VWF: variants seen among roughly 807,000 people sequenced by gnomAD.
VWF encodes von Willebrand factor.
VWF carries 176 observed loss-of-function variants against 308.6 expected under a neutral mutation model. The ratio of observed to expected loss-of-function variants is 0.57; its 90% CI spans 0.50 to 0.65. VWF has a LOEUF of 0.65. Ranked by LOEUF, VWF falls within the 30% of genes least tolerant of loss-of-function variation. The pLI, the probability that VWF is intolerant of heterozygous loss-of-function variation, is 0.00. For missense variants in VWF, 3,146 were observed against 3,648.2 expected, an observed-to-expected ratio of 0.86 and a Z score of 3.55; for synonymous variants, 1,385 against 1,443.4, an observed-to-expected ratio of 0.96 and a Z score of 0.92.
At chr12:5,950,260 T>C (rs976009723) in intron 50 of VWF, among the ~76,000 whole-genome samples, 2 of 152,168 alleles carry the variant, frequency 1.3e-5, no homozygotes, top group Non-Finnish European at 2.9e-5. Context: ...GGCAATGAAG[T>C]AGTCAATAAG....
chr12:6,015,528 C>G (rs1361922968), intron 31 of VWF, among the ~76,000 whole-genome samples: 1 of 152,044 alleles, frequency 6.6e-6, no homozygotes, highest in Non-Finnish European at 1.5e-5. Context: ...TCCCTAGACT[C>G]TACCACCTGT....
At chr12:6,069,696 C>T (rs558769404) in intron 10 of VWF, among the ~76,000 whole-genome samples, 6 of 152,282 alleles carry the variant, frequency 3.9e-5, no homozygotes, top group Non-Finnish European at 5.9e-5. Flanking sequence ...CAGAGAAGAG[C>T]GTAGTGGTTT....
At chr12:5,977,648 T>C (rs547610181) in intron 42 of VWF, among the ~76,000 whole-genome samples, 107 of 151,938 alleles carry the variant, frequency 7.0e-4, no homozygotes, top group African/African-American at 2.3e-3. Context: ...GGCGGGCAGA[T>C]TGGTTGAGTT....
At chr12:6,124,213 C>A (rs1945462524) in intron 1 of VWF, among the ~76,000 whole-genome samples, 1 of 152,162 alleles carries the variant, frequency 6.6e-6, no homozygotes, top group Admixed American at 6.5e-5. Context: ...AACAGTAAAA[C>A]CCACTGCATG....
intron 47 of VWF, chr12:5,954,035 T>C (rs1286379810): frequency 4.7e-6 from 1 of 212,692 alleles, no homozygotes; most frequent in Non-Finnish European, 9.5e-6. Flanking sequence ...TTCCCCTTTT[T>C]TCTCATCCCC....
chr12:6,054,182 C>A (rs1053306414), intron 15 of VWF, among the ~76,000 whole-genome samples: 2 of 152,194 alleles, frequency 1.3e-5, no homozygotes, highest in South Asian at 2.1e-4. Flanking sequence ...AGTGGGGAGC[C>A]TCTGGAGAGA....
intron 3 of VWF, among the ~76,000 whole-genome samples, chr12:6,115,200 C>G (rs184797158): frequency 1.3e-3 from 201 of 152,176 alleles, no homozygotes; most frequent in Admixed American, 4.1e-3. Context: ...CCATGCCCAG[C>G]TAATTTTTGT....
At position 5,952,472 on chromosome 12, in the gene VWF, G is replaced by A. The variant is rs1383648930; in HGVS notation, c.8034C>T (p.Val2678=). The A allele has an allele frequency of 2.5e-6, 4 of 1,614,102 alleles. No individual in the cohort carries two copies. The highest frequency in any genetic ancestry group is 3.4e-6 in the Non-Finnish European group (4 of 1,180,000). The part of the protein sequence containing the change: ...QDGCDTHFCK[V]NERGEYFWEK... Reference sequence around the variant, plus strand: ...CCCAGAAGTACTCTCCTCTCTCATTGACCTTGCAGAAGTGAGTATCACAGC... The same window carrying A: ...CCCAGAAGTACTCTCCTCTCTCATTAACCTTGCAGAAGTGAGTATCACAGC... The change falls in exon 49 of 52, where the codon GTC becomes GTT. Residue 2678 remains valine, a synonymous_variant. Transcript: ENST00000261405.
At chr12:5,983,991 G>T (rs1943645440) in intron 40 of VWF, among the ~76,000 whole-genome samples, 1 of 132,262 alleles carries the variant, frequency 7.6e-6, no homozygotes, top group African/African-American at 3.2e-5. Flanking sequence ...TAGATAGATA[G>T]ATAGATAGAT....
At chr12:6,029,584 G>A (rs1263151042) in intron 21 of VWF, 96 bp from the exon 22 acceptor site, 1 of 1,514,198 alleles carries the variant, frequency 6.6e-7, no homozygotes, top group East Asian at 2.4e-5. Flanking sequence ...TGTCTTCAGT[G>A]CCCACGAGTG....
At chr12:6,111,009 C>G (rs1565394041) in intron 3 of VWF, 41 bp from the exon 4 acceptor site, 3 of 1,525,392 alleles carry the variant, frequency 2.0e-6, no homozygotes, top group Non-Finnish European at 2.7e-6. Context: ...TATTACTCCT[C>G]TCAAAAAATG....
intron 4 of VWF, 47 bp downstream of exon 4, chr12:6,110,819 T>A (rs752087604): frequency 6.3e-7 from 1 of 1,583,386 alleles, no homozygotes; most frequent in Admixed American, 1.7e-5. Context: ...GGGGGTTGTG[T>A]CAGGGGATCC....
At chr12:6,068,134 C>CAAA (rs200782717) in intron 10 of VWF, among the ~76,000 whole-genome samples, 1 of 57,762 alleles carries the variant, frequency 1.7e-5, no homozygotes, top group Non-Finnish European at 3.8e-5. Context: ...AACTCTGTCT[C>CAAA]AAAAAAAAAA....
At chr12:6,053,234 A>G (rs1334854423) in intron 15 of VWF, among the ~76,000 whole-genome samples, 2 of 151,836 alleles carry the variant, frequency 1.3e-5, no homozygotes, top group South Asian at 4.1e-4. Context: ...CGTGACAACA[A>G]TGAGTACCAT....
intron 3 of VWF, among the ~76,000 whole-genome samples, chr12:6,120,405 C>T (rs113566801): frequency 0.044 from 6,694 of 151,750 alleles, 238 homozygotes; most frequent in Non-Finnish European, 0.069. Context: ...CAGGTTCAAG[C>T]GATTCTCCTG....
At chr12:6,104,770 G>A (rs904035298) in intron 5 of VWF, among the ~76,000 whole-genome samples, 2 of 151,874 alleles carry the variant, frequency 1.3e-5, no homozygotes, top group Admixed American at 1.3e-4. Flanking sequence ...CAAAGGAAAA[G>A]AAATCAATAT....
At chr12:5,954,527 A>G (rs1943226961) in intron 47 of VWF, among the ~76,000 whole-genome samples, 1 of 152,174 alleles carries the variant, frequency 6.6e-6, no homozygotes, top group Non-Finnish European at 1.5e-5. Flanking sequence ...GACAGCCAGA[A>G]CTCAAGCAGA....
chr12:6,091,364 GTACT>G (rs1414910216), intron 6 of VWF, among the ~76,000 whole-genome samples: 3 of 152,074 alleles, frequency 2.0e-5, no homozygotes, highest in Admixed American at 1.3e-4. Flanking sequence ...CTCTACTTAT[GTACT>G]TACTTAGATA....
Position 5,949,922 on chromosome 12 carries a change from G to A in VWF, c.8156-39C>T, listed in dbSNP as rs1591827224. Reference sequence around the variant, plus strand: ...GAGAGATGAAACTTGAGGACTGGCTGGGGTTCTAGAGAACACTCTTCAGCC... The same window carrying A: ...GAGAGATGAAACTTGAGGACTGGCTAGGGTTCTAGAGAACACTCTTCAGCC... On this transcript the variant is annotated intron_variant, in intron 50 of 51. Coordinates refer to ENST00000261405, the MANE Select transcript of VWF (RefSeq NM_000552.5). The A allele has an allele frequency of 3.1e-6, 5 of 1,593,858 alleles. No homozygotes were observed. In the East Asian group the frequency reaches 1.1e-4, roughly 36 times the overall value.
Sources: allele counts gnomAD v4.1 joint callset (sites outside exome capture counted in the v4.1 genomes callset), GRCh38; gene constraint gnomAD v4.1.1; transcripts MANE v1.5; gene names NCBI Gene and HGNC (gene_info 2026-07-23, HGNC 2026-07-21).